ARHGAP42: variants seen among roughly 807,000 people sequenced by gnomAD.
ARHGAP42 encodes Rho GTPase activating protein 42.
In ARHGAP42, 63 loss-of-function variants were observed where a neutral mutation model predicts 125.0. The ratio of observed to expected loss-of-function variants is 0.50; its 90% confidence interval spans 0.41 to 0.62. The LOEUF is 0.62. Among genes scored for constraint, ARHGAP42 ranks in the 20% least tolerant of loss-of-function variants. ARHGAP42 has a pLI of 0.00. For synonymous variants in ARHGAP42, 339 were observed against 351.0 expected (o/e 0.97, Z 0.38); for missense variants, 766 against 1,024.2 (o/e 0.75, Z 3.44).
At chr11:100,754,733 C>A (rs1399734506) in intron 1 of ARHGAP42, among the ~76,000 whole-genome samples, 2 of 152,122 alleles carry the variant, frequency 1.3e-5, no homozygotes, top group Admixed American at 1.3e-4. Context: ...CAACCCATAC[C>A]CCATTCTAAA....
At chr11:100,688,275 G>T (rs1861125108) in intron 1 of ARHGAP42, among the ~76,000 whole-genome samples, 1 of 152,124 alleles carries the variant, frequency 6.6e-6, no homozygotes, top group Non-Finnish European at 1.5e-5. Flanking sequence ...TACGTCAGTG[G>T]CTCTTCATTG....
chr11:100,835,187 C>A (rs1855735192), intron 3 of ARHGAP42, among the ~76,000 whole-genome samples: 1 of 152,056 alleles, frequency 6.6e-6, no homozygotes. Context: ...TTACGAGGTT[C>A]CTCCTCTTCT....
At chr11:100,727,423 G>A (rs1861880196) in intron 1 of ARHGAP42, among the ~76,000 whole-genome samples, 1 of 152,120 alleles carries the variant, frequency 6.6e-6, no homozygotes, top group South Asian at 2.1e-4. Context: ...TGGGTGATAG[G>A]AGCATCGTTT....
At chr11:100,861,793 G>A (rs576031434) in intron 4 of ARHGAP42, among the ~76,000 whole-genome samples, 24 of 152,314 alleles carry the variant, frequency 1.6e-4, no homozygotes, top group African/African-American at 5.3e-4. Flanking sequence ...ACATCCATGT[G>A]ATGTTGAGTT....
At chr11:100,731,661 C>A (rs970575005) in intron 1 of ARHGAP42, among the ~76,000 whole-genome samples, 1 of 152,128 alleles carries the variant, frequency 6.6e-6, no homozygotes, top group African/African-American at 2.4e-5. Flanking sequence ...TGAGTGTTAT[C>A]TGAGCTGCTG....
intron 4 of ARHGAP42, among the ~76,000 whole-genome samples, chr11:100,869,026 TA>T (rs1865640000): frequency 1.3e-5 from 2 of 152,102 alleles, no homozygotes; most frequent in Admixed American, 6.5e-5. Flanking sequence ...GCATGTAGAT[TA>T]GTTTGCCTTA....
chr11:100,855,219 G>T (rs1433575320), intron 3 of ARHGAP42, among the ~76,000 whole-genome samples: 2 of 152,044 alleles, frequency 1.3e-5, no homozygotes, highest in Non-Finnish European at 2.9e-5. Context: ...AAAACTGAGT[G>T]TTTTATTGCT....
intron 3 of ARHGAP42, among the ~76,000 whole-genome samples, chr11:100,802,788 C>T (rs1339278737): frequency 6.6e-6 from 1 of 152,064 alleles, no homozygotes; most frequent in Non-Finnish European, 1.5e-5. Flanking sequence ...TCTTTCTATT[C>T]CTCTTTGTGT....
intron 17 of ARHGAP42, 82 bp from the exon 18 acceptor site, chr11:100,973,093 G>A: frequency 8.0e-7 from 1 of 1,255,846 alleles, no homozygotes; most frequent in Non-Finnish European, 1.1e-6. Context: ...TACATTTTTT[G>A]CACCACAAAT....
chr11:100,816,436 G>A (rs941517239), intron 3 of ARHGAP42, among the ~76,000 whole-genome samples: 4 of 152,124 alleles, frequency 2.6e-5, no homozygotes, highest in Non-Finnish European at 5.9e-5. Flanking sequence ...AATTCACACG[G>A]TTAACAGAGA....
intron 1 of ARHGAP42, among the ~76,000 whole-genome samples, chr11:100,732,521 C>T (rs1004978773): frequency 1.3e-5 from 2 of 152,102 alleles, no homozygotes; most frequent in Non-Finnish European, 1.5e-5. Flanking sequence ...TACAAACAGC[C>T]GTTCATGTCT....
intron 4 of ARHGAP42, among the ~76,000 whole-genome samples, chr11:100,877,523 G>T (rs1382679324): frequency 3.9e-5 from 6 of 152,172 alleles, no homozygotes; most frequent in Admixed American, 1.3e-4. Flanking sequence ...AAAGACTATG[G>T]TTTCTCATGT....
chr11:100,946,820 C>A (rs536071213), intron 10 of ARHGAP42, among the ~76,000 whole-genome samples: 2 of 151,952 alleles, frequency 1.3e-5, no homozygotes, highest in African/African-American at 2.4e-5. Flanking sequence ...TACAGAGACA[C>A]GATGTGAGCA....
chr11:100,952,384 A>G (rs1333087502), intron 12 of ARHGAP42, among the ~76,000 whole-genome samples: 2 of 152,158 alleles, frequency 1.3e-5, no homozygotes, highest in Admixed American at 6.6e-5. Context: ...AACTTTTTTA[A>G]TCTAATAAAT....
intron 4 of ARHGAP42, among the ~76,000 whole-genome samples, chr11:100,896,324 G>A (rs1448667933): frequency 6.6e-6 from 1 of 152,178 alleles, no homozygotes; most frequent in Non-Finnish European, 1.5e-5. Context: ...TGTCTTTATA[G>A]TAGCATGATT....
In ARHGAP42 at chr11:100,938,047, TTC is replaced by T. The variant is rs1325331021; in HGVS notation, c.832+1719_832+1720del. ...TAAAGCCCTTTGTGGTACTGACCTC[TTC>T]TCTGATTTTTTTTTTTTTAATCTCT... On this transcript the variant is annotated intron_variant, in intron 8 of 23. Transcript: ENST00000298815. Among the ~76,000 whole-genome samples, 7 of 109,456 alleles carry T rather than the reference TTC, an allele frequency of 6.4e-5. No individual in the cohort carries two copies. In the South Asian group the frequency reaches 1.3e-3, roughly 20 times the overall value. 71.8% of individuals were successfully genotyped at this position (109,456 alleles called of 152,430 possible).
intron 2 of ARHGAP42, among the ~76,000 whole-genome samples, chr11:100,776,067 G>T (rs190324823): frequency 6.6e-6 from 1 of 152,068 alleles, no homozygotes; most frequent in East Asian, 1.9e-4. Context: ...TCTGAGGCAG[G>T]AGAATAGCTT....
At position 100,715,150 on chromosome 11, in the gene ARHGAP42, T is replaced by C. The variant is rs542743291; in HGVS notation, c.154+27318T>C. 4.0e-5 allele frequency among the ~76,000 whole-genome samples: 6 copies of C among 151,780 alleles called. No individual in the cohort carries two copies. In the South Asian group the frequency reaches 6.3e-4, roughly 16 times the overall value. ...GTAGTTTTTTAGCTTTTGTCTGCAG[T>C]TGGGGAATAAGGGTAACTTTCTGTC... On this transcript the variant is annotated intron_variant, in intron 1 of 23. Transcript: ENST00000298815.
At chr11:100,843,299 A>G (rs1864984445) in intron 3 of ARHGAP42, among the ~76,000 whole-genome samples, 1 of 152,074 alleles carries the variant, frequency 6.6e-6, no homozygotes, top group Non-Finnish European at 1.5e-5. Context: ...ACCAATAACA[A>G]GGAGTGAGGT....
Sources: gnomAD v4.1 joint callset for allele counts (sites outside exome capture counted in the v4.1 genomes callset) on GRCh38, gnomAD v4.1.1 for gene constraint, MANE v1.5 for transcripts, NCBI Gene and HGNC (gene_info 2026-07-23, HGNC 2026-07-21) for gene names.